TMEM168: variants seen among roughly 807,000 people sequenced by gnomAD.
TMEM168 encodes transmembrane protein 168.
A neutral mutation model predicts 53.2 loss-of-function variants in TMEM168; 40 were observed. The observed-to-expected ratio is 0.75, with a 90% CI of 0.58 to 0.98. TMEM168 has a LOEUF of 0.98. TMEM168 is among the 50% of genes least tolerant of loss of function. TMEM168 has a pLI of 0.00. For missense variants in TMEM168, 771 were observed against 828.8 expected (o/e 0.93, Z 0.86); for synonymous variants, 282 against 293.0 (o/e 0.96, Z 0.38).
At position 112,767,645 on chromosome 7, in the gene TMEM168, G is replaced by A. The variant is rs1792819508; in HGVS notation, c.1646C>T (p.Ser549Leu). ...RLIIVLDSEN[S>L]TPWVKEVRKI... ...CCTCACTTCTTTCACCCAAGGGGTT[G>A]AATTTTCGCTGTCTAATACGATAAT... Residue 549 changes from serine (S) to leucine (L), a missense_variant, in exon 5 of 5, where the codon TCA becomes TTA. By Grantham distance (145) the Ser-to-Leu change is moderately radical. Coordinates refer to ENST00000312814, the MANE Select transcript of TMEM168 (RefSeq NM_022484.6). 6.2e-7 allele frequency: 1 copy of A among 1,614,082 alleles called. No homozygotes were observed. Among genetic ancestry groups the A allele is most frequent in the Non-Finnish European group, 8.5e-7 (1 of 1,180,014 alleles).
In TMEM168 at chr7:112,772,918, C is replaced by T. The variant is rs1584438652; in HGVS notation, c.1409G>A (p.Ser470Asn). The T allele has an allele frequency of 1.2e-6, 2 of 1,613,948 alleles. No homozygotes were observed. The highest frequency in any genetic ancestry group is 2.2e-5 in the East Asian group (1 of 44,872). ...ATGCAGAGTATCAAATGACAGTCCA[C>T]TTGTGGAATAGTCACATCCATAGGT... ...IETYGCDYST[S>N]GLSFDTLHSK... Residue 470 changes from serine to asparagine, a missense_variant, in exon 4 of 5, where the codon AGT becomes AAT. Ser to Asn is a conservative substitution (Grantham distance 46). Coordinates refer to ENST00000312814, the MANE Select transcript of TMEM168 (RefSeq NM_022484.6).
In TMEM168 at chr7:112,763,669, A is replaced by C. The variant is rs1031396822; in HGVS notation, c.*3528T>G. ...ATCACTTGTGGGAAAGTAATGTAGA[A>C]TATTACTTTAAAAGAGACTAAGCTA... On this transcript the variant is annotated 3_prime_UTR_variant, in exon 5 of 5. Coordinates refer to ENST00000312814, the MANE Select transcript of TMEM168 (RefSeq NM_022484.6). 1 of 152,136 alleles carries C rather than the reference A, an allele frequency of 6.6e-6. No homozygotes were observed. The highest frequency in any genetic ancestry group is 1.5e-5 in the Non-Finnish European group (1 of 67,992). 9.4% of individuals were successfully genotyped at this position (152,136 alleles called of 1,614,324 possible). A position where few individuals can be genotyped will look rare whatever the true frequency, so the allele number is the denominator to read the frequency against.
rs1449926374 is a variant in TMEM168 at position 112,783,753 on chromosome 7, T to G, written c.1073A>C (p.Gln358Pro). 1 of 1,569,602 alleles carries G rather than the reference T, an allele frequency of 6.4e-7. No individual in the cohort carries two copies. Among genetic ancestry groups the G allele is most frequent in the Non-Finnish European group, 8.6e-7 (1 of 1,161,676 alleles). Reference sequence around the variant, plus strand: ...TGCAAGAAGACTAAAGAACACCAACTGCTCTGAAATCAAGCAAAAATGGCG... The same window carrying G: ...TGCAAGAAGACTAAAGAACACCAACGGCTCTGAAATCAAGCAAAAATGGCG... The part of the protein sequence containing the change: ...GMRHFCLISE[Q>P]LVFFSLLATA... The change falls in exon 2 of 5, where the codon CAG becomes CCG. Residue 358 changes from glutamine (Q) to proline (P), a missense_variant. Gln to Pro is a moderately conservative substitution (Grantham distance 76). Coordinates refer to ENST00000312814, the MANE Select transcript of TMEM168 (RefSeq NM_022484.6).
intron 3 of TMEM168, among the ~76,000 whole-genome samples, chr7:112,774,550 T>C: frequency 6.6e-6 from 1 of 151,788 alleles, no homozygotes; most frequent in Non-Finnish European, 1.5e-5. Flanking sequence ...TATTTCACTA[T>C]GTTGCTTCAG....
At chr7:112,777,907 TG>T (rs1793131441) in intron 2 of TMEM168, among the ~76,000 whole-genome samples, 12 of 77,538 alleles carry the variant, frequency 1.5e-4, no homozygotes, top group African/African-American at 4.9e-4. Flanking sequence ...TGTGTGTGTG[TG>T]TGTGTGTGTG....
In TMEM168 at chr7:112,784,230, A is replaced by T; in HGVS notation, c.596T>A (p.Phe199Tyr). The T allele has an allele frequency of 6.2e-7, 1 of 1,613,840 alleles. No individual in the cohort carries two copies. The highest frequency in any genetic ancestry group is 8.5e-7 in the Non-Finnish European group (1 of 1,179,958). The change falls in exon 2 of 5, where the codon TTC (phenylalanine) becomes TAC (tyrosine). Residue 199 changes from phenylalanine to tyrosine, a missense_variant. Coordinates refer to ENST00000312814, the MANE Select transcript of TMEM168 (RefSeq NM_022484.6). Reference protein sequence around the residue: ...MLIIDLRMKSFLAIPNLVIFA... With the variant: ...MLIIDLRMKSYLAIPNLVIFA... ...AATAACTAAGTTTGGAATAGCTAAG[A>T]AAGATTTCATTCTCAGATCAATAAT...
chr7:112,764,182 C>T lies in TMEM168; in HGVS notation c.*3015G>A, dbSNP rs1202889239. Reference sequence around the variant, plus strand: ...GTTAAAAAAAGAAAATAAATTCATACTGTTTTTTTTATTCTATTGAAAAAA... The same window carrying T: ...GTTAAAAAAAGAAAATAAATTCATATTGTTTTTTTTATTCTATTGAAAAAA... On this transcript the variant is annotated 3_prime_UTR_variant, in exon 5 of 5. Coordinates refer to ENST00000312814, the MANE Select transcript of TMEM168 (RefSeq NM_022484.6). The T allele has an allele frequency of 6.6e-6, 1 of 151,170 alleles. No individual in the cohort carries two copies. Among genetic ancestry groups the T allele is most frequent in the African/African-American group, 2.4e-5 (1 of 41,178 alleles). The allele number at this position is 151,170 out of a possible 1,614,324, so 9.4% of individuals were successfully genotyped here.
rs913839556 is a variant in TMEM168, at chr7:112,766,595, A to C, written c.*602T>G. On this transcript the variant is annotated 3_prime_UTR_variant, in exon 5 of 5. Transcript: ENST00000312814. ...ACCTACATAAAGAATATTTTGATCT[A>C]AAATGTAACTTGGGTTCTCTGCCAC... 2 of 152,708 alleles carry C rather than the reference A, an allele frequency of 1.3e-5. No individual in the cohort carries two copies. Among genetic ancestry groups the C allele is most frequent in the African/African-American group, 2.4e-5 (1 of 41,448 alleles). The allele number at this position is 152,708 out of a possible 1,614,324, so 9.5% of individuals were successfully genotyped here. A position where few individuals can be genotyped will look rare whatever the true frequency, so the allele number is the denominator to read the frequency against.
intron 4 of TMEM168, among the ~76,000 whole-genome samples, chr7:112,769,534 T>C (rs1274983302): frequency 1.5e-5 from 2 of 135,652 alleles, no homozygotes; most frequent in South Asian, 4.6e-4. Context: ...AATTCTCTTA[T>C]ATAAATGCTC....
chr7:112,778,849 T>A (rs1226492804), intron 2 of TMEM168, among the ~76,000 whole-genome samples: 1 of 152,178 alleles, frequency 6.6e-6, no homozygotes, highest in Non-Finnish European at 1.5e-5. Flanking sequence ...TAACAGATGA[T>A]CTGTTACTAC....
Position 112,768,718 on chromosome 7 carries a change from C to T in TMEM168, c.1547-974G>A, listed in dbSNP as rs78561577. 2.0e-3 allele frequency among the ~76,000 whole-genome samples: 300 copies of T among 152,158 alleles called. 11 individuals are homozygous for T. In the East Asian group the frequency reaches 0.054, roughly 28 times the overall value. ...TGCCTGAGGCAACTGCCACCCTCAC[C>T]TCATCTGGCCCTGTCTCAATGGTAC... On this transcript the variant is annotated intron_variant, in intron 4 of 4. Transcript: ENST00000312814.
At chr7:112,770,990 T>C (rs889586969) in intron 4 of TMEM168, among the ~76,000 whole-genome samples, 3 of 152,202 alleles carry the variant, frequency 2.0e-5, no homozygotes, top group African/African-American at 7.2e-5. Flanking sequence ...GTAAAGGCTA[T>C]TTTAATTGAC....
At chr7:112,785,273 G>A (rs76862905) in intron 1 of TMEM168, among the ~76,000 whole-genome samples, 4,817 of 152,252 alleles carry the variant, frequency 0.032, 243 homozygotes, top group African/African-American at 0.11. Flanking sequence ...TGAAATGTTC[G>A]CTTTAGCTTA....
chr7:112,780,162 T>A (rs530088987), intron 2 of TMEM168, among the ~76,000 whole-genome samples: 6 of 152,344 alleles, frequency 3.9e-5, no homozygotes, highest in African/African-American at 1.4e-4. Context: ...TTTTGTTCAA[T>A]CCCAGCTCAG....
chr7:112,775,205 A>G lies in TMEM168; in HGVS notation c.1242T>C (p.Tyr414=), dbSNP rs1185932964. Reference sequence around the variant, plus strand: ...AGAAGTTGGTGGGAATCACAATAGCATATCCAACAGATGTTCCTCCTAAAC... The same window carrying G: ...AGAAGTTGGTGGGAATCACAATAGCGTATCCAACAGATGTTCCTCCTAAAC... The part of the protein sequence containing the change: ...GNCLGGTSVG[Y]AIVIPTNFCS... The change falls in exon 3 of 5, where the codon TAT becomes TAC. Residue 414 remains tyrosine (Y), a synonymous_variant. Coordinates refer to ENST00000312814, the MANE Select transcript of TMEM168 (RefSeq NM_022484.6). 6.2e-7 allele frequency: 1 copy of G among 1,612,438 alleles called. No individual in the cohort carries two copies. The highest frequency in any genetic ancestry group is 1.1e-5 in the South Asian group (1 of 90,740).
Position 112,775,300 on chromosome 7 carries a change from A to T in TMEM168, c.1147T>A (p.Leu383Met). The T allele has an allele frequency of 6.2e-7, 1 of 1,613,018 alleles. No individual in the cohort carries two copies. Among genetic ancestry groups the T allele is most frequent in the South Asian group, 1.1e-5 (1 of 90,864 alleles). ...VSWQPTNGIF[L>M]SMFLIVLPLE... The stretch of plus-strand genomic sequence containing the variant: ...GGCAAAACGATTAGAAACATGCTCA[A>T]GAAAATTCCATTTGTTGGCTAAAAG... The change falls in exon 3 of 5, where the codon TTG (leucine) becomes ATG (methionine). Residue 383 changes from leucine (L) to methionine (M), a missense_variant. Physicochemically the swap from Leu to Met is conservative, Grantham distance 15 (BLOSUM62 2). Transcript: ENST00000312814.
chr7:112,765,393 G>A lies in TMEM168; in HGVS notation c.*1804C>T, dbSNP rs1192470972. On this transcript the variant is annotated 3_prime_UTR_variant, in exon 5 of 5. Coordinates refer to ENST00000312814, the MANE Select transcript of TMEM168 (RefSeq NM_022484.6). The stretch of plus-strand genomic sequence containing the variant: ...TTAATACTACCTTATAAAGAATGCA[G>A]AATATACTTTTGTATTTGGCTTTCT... 1 of 152,026 alleles carries A rather than the reference G, an allele frequency of 6.6e-6. No homozygotes were observed. The highest frequency in any genetic ancestry group is 1.5e-5 in the Non-Finnish European group (1 of 67,998). The allele number at this position is 152,026 out of a possible 1,614,324, so 9.4% of individuals were successfully genotyped here. A position where few individuals can be genotyped will look rare whatever the true frequency, so the allele number is the denominator to read the frequency against.
At position 112,766,618 on chromosome 7, in the gene TMEM168, C is replaced by T. The variant is rs1257891358; in HGVS notation, c.*579G>A. The T allele has an allele frequency of 6.5e-6, 1 of 152,676 alleles. No homozygotes were observed. Among genetic ancestry groups the T allele is most frequent in the African/African-American group, 2.4e-5 (1 of 41,444 alleles). The allele number at this position is 152,676 out of a possible 1,614,324, so 9.5% of individuals were successfully genotyped here. Reference sequence around the variant, plus strand: ...CTAAAATGTAACTTGGGTTCTCTGCCACACTGGTAATAAGTCACAACCAAG... The same window carrying T: ...CTAAAATGTAACTTGGGTTCTCTGCTACACTGGTAATAAGTCACAACCAAG... On this transcript the variant is annotated 3_prime_UTR_variant, in exon 5 of 5. Transcript: ENST00000312814.
rs1395917712 is a variant in TMEM168, at chr7:112,765,528, T to C, written c.*1669A>G. On this transcript the variant is annotated 3_prime_UTR_variant, in exon 5 of 5. Transcript: ENST00000312814. ...TTTTTAAGCTAAAAGCTCATAATTT[T>C]AACATTTGGCTTTTCTACTACCCTA... 15 of 152,140 alleles carry C rather than the reference T, an allele frequency of 9.9e-5. No individual in the cohort carries two copies. 9.4% of individuals were successfully genotyped at this position (152,140 alleles called of 1,614,324 possible).
Sources: gnomAD v4.1 joint callset for allele counts (sites outside exome capture counted in the v4.1 genomes callset) on GRCh38, gnomAD v4.1.1 for gene constraint, MANE v1.5 for transcripts, NCBI Gene and HGNC (gene_info 2026-07-23, HGNC 2026-07-21) for gene names.